The following BCKDHB variants were observed in gnomAD, a reference collection of about 807,000 sequenced individuals.
BCKDHB encodes branched chain keto acid dehydrogenase E1 subunit beta, also known as 2-oxoisovalerate dehydrogenase subunit beta, mitochondrial.
BCKDHB carries 41 observed loss-of-function variants against 48.5 expected under a neutral mutation model. That is an observed-to-expected ratio of 0.85 (90% CI 0.66 to 1.10). The LOEUF (loss-of-function observed/expected upper bound fraction) is 1.10. Ranked by LOEUF, BCKDHB falls within the 50% of genes least tolerant of loss-of-function variation. The pLI is 0.00. For missense variants in BCKDHB, 496 were observed against 494.2 expected (o/e 1.00, Z -0.03); for synonymous variants, 201 against 174.8 (o/e 1.15, Z -1.18).
chr6:80,343,458 C>T (rs1245937279), intron 9 of BCKDHB: 5 of 603,128 alleles, frequency 8.3e-6, no homozygotes, highest in Non-Finnish European at 1.5e-5. Flanking sequence ...GTATAAAATG[C>T]ATATGCATAC....
intron 8 of BCKDHB, among the ~76,000 whole-genome samples, chr6:80,207,768 T>A (rs1575541): frequency 0.61 from 91,794 of 151,504 alleles, 28,018 homozygotes; most frequent in South Asian, 0.76. Context: ...AGCATTTCAT[T>A]ATGCCAAAGG....
At chr6:80,409,630 A>ATATT in the BCKDHB span, among the ~76,000 whole-genome samples, 1 of 92,838 alleles carries the variant, frequency 1.1e-5, no homozygotes. Context: ...ATATATATAT[A>ATATT]TGATAGTTAG....
intron 3 of BCKDHB, among the ~76,000 whole-genome samples, chr6:80,160,869 C>A (rs900655403): frequency 1.6e-4 from 25 of 152,144 alleles, no homozygotes; most frequent in African/African-American, 5.6e-4. Flanking sequence ...AAGAAAATGG[C>A]ATGTTATAGA....
intron 9 of BCKDHB, among the ~76,000 whole-genome samples, chr6:80,293,157 C>G (rs563151527): frequency 3.9e-4 from 60 of 152,314 alleles, no homozygotes; most frequent in African/African-American, 1.4e-3. Flanking sequence ...TAGGGAGCAC[C>G]CCAGTGGGGA....
At chr6:80,257,034 T>C (rs888666515) in intron 8 of BCKDHB, among the ~76,000 whole-genome samples, 1 of 152,210 alleles carries the variant, frequency 6.6e-6, no homozygotes, top group Non-Finnish European at 1.5e-5. Context: ...TTATTAAGAA[T>C]AAATTTGCTC....
the BCKDHB span, among the ~76,000 whole-genome samples, chr6:80,452,370 C>G: frequency 3.7e-4 from 57 of 152,210 alleles, no homozygotes; most frequent in African/African-American, 1.3e-3. Flanking sequence ...ATCACGATTG[C>G]CATTATCTGG....
intron 9 of BCKDHB, among the ~76,000 whole-genome samples, chr6:80,329,284 T>C (rs1341182666): frequency 1.3e-5 from 2 of 152,158 alleles, no homozygotes; most frequent in East Asian, 1.9e-4. Context: ...TTTCATGAAA[T>C]TACAAAAACA....
At chr6:80,311,851 G>A (rs879089508) in intron 9 of BCKDHB, among the ~76,000 whole-genome samples, 1 of 152,116 alleles carries the variant, frequency 6.6e-6, no homozygotes, top group African/African-American at 2.4e-5. Context: ...GTTTGAAGTC[G>A]AGTAACATTG....
chr6:80,299,172 C>T (rs140134846), intron 9 of BCKDHB, among the ~76,000 whole-genome samples: 1 of 152,164 alleles, frequency 6.6e-6, no homozygotes, highest in African/African-American at 2.4e-5. Flanking sequence ...TTAAGAGGGG[C>T]CTTTAACCCA....
chr6:80,355,015 T>C, the BCKDHB span, among the ~76,000 whole-genome samples: 3 of 152,214 alleles, frequency 2.0e-5, no homozygotes, highest in African/African-American at 7.2e-5. Flanking sequence ...AGTTTTAGAA[T>C]TGTTTTTTCT....
the BCKDHB span, among the ~76,000 whole-genome samples, chr6:80,374,967 A>G: frequency 6.6e-6 from 1 of 152,178 alleles, no homozygotes; most frequent in Non-Finnish European, 1.5e-5. Flanking sequence ...TAAGGAGGCT[A>G]AAGATAGAAC....
intron 3 of BCKDHB, among the ~76,000 whole-genome samples, chr6:80,134,538 G>A (rs1770789004): frequency 6.6e-6 from 1 of 151,906 alleles, no homozygotes; most frequent in African/African-American, 2.4e-5. Flanking sequence ...TGGTCCTCTG[G>A]GATTCTTCCA....
chr6:80,235,996 A>G (rs1364953086), intron 8 of BCKDHB, among the ~76,000 whole-genome samples: 1 of 152,192 alleles, frequency 6.6e-6, no homozygotes, highest in East Asian at 1.9e-4. Flanking sequence ...CAGGCAACTT[A>G]ACCTGTGCTC....
intron 8 of BCKDHB, among the ~76,000 whole-genome samples, chr6:80,250,009 C>T (rs1776769025): frequency 6.6e-6 from 1 of 152,248 alleles, no homozygotes; most frequent in East Asian, 1.9e-4. Flanking sequence ...CCATTTTCTT[C>T]ACTTTTCTTT....
At chr6:80,264,459 C>G (rs1257648492) in intron 8 of BCKDHB, among the ~76,000 whole-genome samples, 1 of 152,122 alleles carries the variant, frequency 6.6e-6, no homozygotes, top group Non-Finnish European at 1.5e-5. Flanking sequence ...AGCTATGAGG[C>G]TCAGAGGTTT....
At chr6:80,214,604 T>A (rs967787348) in intron 8 of BCKDHB, among the ~76,000 whole-genome samples, 1 of 152,182 alleles carries the variant, frequency 6.6e-6, no homozygotes, top group Admixed American at 6.5e-5. Context: ...AGTAACTACC[T>A]ATAACCACTA....
At chr6:80,252,748 G>T (rs1776885459) in intron 8 of BCKDHB, among the ~76,000 whole-genome samples, 1 of 152,070 alleles carries the variant, frequency 6.6e-6, no homozygotes, top group South Asian at 2.1e-4. Flanking sequence ...GTATAAATCT[G>T]ATACTATCTT....
At chr6:80,422,709 C>T in the BCKDHB span, among the ~76,000 whole-genome samples, 1 of 152,180 alleles carries the variant, frequency 6.6e-6, no homozygotes, top group South Asian at 2.1e-4. Flanking sequence ...AGTGCCCTGC[C>T]AGGTTTTGAA....
intron 6 of BCKDHB, among the ~76,000 whole-genome samples, chr6:80,176,555 T>C (rs1773164611): frequency 6.6e-6 from 1 of 151,972 alleles, no homozygotes; most frequent in African/African-American, 2.4e-5. Flanking sequence ...CCATTCACAG[T>C]GTGAGGTGCA....
Sources: gnomAD v4.1 joint callset for allele counts (sites outside exome capture counted in the v4.1 genomes callset) on GRCh38, gnomAD v4.1.1 for gene constraint, MANE v1.5 for transcripts, NCBI Gene and HGNC (gene_info 2026-07-23, HGNC 2026-07-21) for gene names.